The following OSBPL10 variants were observed in gnomAD, a reference collection of about 807,000 sequenced individuals.
The protein encoded by OSBPL10 is oxysterol-binding protein-related protein 10.
In OSBPL10, 49 loss-of-function variants were observed where a neutral mutation model predicts 81.7. The ratio of observed to expected loss-of-function variants is 0.60; its 90% CI spans 0.48 to 0.76. The LOEUF (loss-of-function observed/expected upper bound fraction) is 0.76. Among genes scored for constraint, OSBPL10 ranks in the 30% least tolerant of loss-of-function variants. OSBPL10 has a pLI of 0.00. For missense variants in OSBPL10, 923 were observed against 987.8 expected (o/e 0.93, Z 0.88); for synonymous variants, 419 against 383.6 (o/e 1.09, Z -1.08).
At position 31,727,405 on chromosome 3, in the gene OSBPL10, G is replaced by C. The variant is rs551787584; in HGVS notation, c.1095+5852C>G. Among the ~76,000 whole-genome samples the C allele has an allele frequency of 2.6e-3, 393 of 151,706 alleles. 2 individuals are homozygous for C. The highest frequency in any genetic ancestry group is 9.0e-3 in the African/African-American group (375 of 41,462). ...TCATGATTCAAAGGAAAAAAAAAAA[G>C]GTCTATTCTACAGATTCTTGGAAGG... is the stretch of plus-strand genomic sequence containing the variant. On this transcript the variant is annotated intron_variant, in intron 6 of 11. Transcript: ENST00000396556.
rs186046779 is a variant in OSBPL10 at position 31,989,367 on chromosome 3, C to T, written n.298+57124G>A. On this transcript the variant is annotated intron_variant and non_coding_transcript_variant, in intron 2 of 3. Coordinates refer to the OSBPL10 transcript ENST00000479173. ...CATTAGAAAGACATGAAAGTCATCA[C>T]ATTGGAGATTTTTGCTTCCAGAAAA... 6.1e-5 allele frequency: 99 copies of T among 1,614,180 alleles called. No individual in the cohort carries two copies. In the Admixed American group the frequency reaches 8.7e-4, roughly 14 times the overall value.
chr3:31,851,708 A>C (rs778615171), intron 3 of OSBPL10, among the ~76,000 whole-genome samples: 26 of 152,228 alleles, frequency 1.7e-4, no homozygotes, highest in Non-Finnish European at 2.5e-4. Context: ...ATGTGCCAGA[A>C]GTGTCATGCA....
intron 1 of OSBPL10, among the ~76,000 whole-genome samples, chr3:31,893,450 C>G (rs1388190383): frequency 6.6e-6 from 1 of 152,128 alleles, no homozygotes; most frequent in African/African-American, 2.4e-5. Flanking sequence ...AACCTTTCCA[C>G]ACTCTTGGTA....
At chr3:31,828,032 A>G (rs1418709557) in intron 4 of OSBPL10, among the ~76,000 whole-genome samples, 1 of 152,194 alleles carries the variant, frequency 6.6e-6, no homozygotes, top group Non-Finnish European at 1.5e-5. Context: ...CAGGCTTCCT[A>G]TCATTTATAA....
Position 31,743,038 on chromosome 3 carries a change from T to G in OSBPL10, c.940+4872A>C, listed in dbSNP as rs1038263505. ...GACCGAAAAGCTAAATTAGTTTTTT[T>G]TTTTTTTTTTTTTTTTTTTTTAGAG... On this transcript the variant is annotated intron_variant, in intron 5 of 11. Coordinates refer to ENST00000396556, the MANE Select transcript of OSBPL10 (RefSeq NM_017784.5). 2.0e-3 allele frequency among the ~76,000 whole-genome samples: 282 copies of G among 139,696 alleles called. 4 individuals are homozygous for G. Among genetic ancestry groups the G allele is most frequent in the African/African-American group, 7.2e-3 (265 of 36,802 alleles). 91.6% of individuals were successfully genotyped at this position (139,696 alleles called of 152,430 possible).
At chr3:31,970,027 A>G (rs901369097) in intron 1 of OSBPL10, among the ~76,000 whole-genome samples, 1 of 152,098 alleles carries the variant, frequency 6.6e-6, no homozygotes, top group Admixed American at 6.5e-5. Flanking sequence ...CATCTATAAA[A>G]TGAAGGGGTA....
chr3:31,928,255 A>C (rs1242848135), intron 1 of OSBPL10, among the ~76,000 whole-genome samples: 1 of 152,228 alleles, frequency 6.6e-6, no homozygotes, highest in Non-Finnish European at 1.5e-5. Flanking sequence ...AAATGGCAAC[A>C]CATAACCAAA....
rs560991973 is a variant in OSBPL10 at position 31,847,414 on chromosome 3, C to T, written c.538-17183G>A. 2.0e-4 allele frequency among the ~76,000 whole-genome samples: 31 copies of T among 152,234 alleles called. No individual in the cohort carries two copies. In the South Asian group the frequency reaches 6.2e-3, roughly 31 times the overall value. Reference sequence around the variant, plus strand: ...ATGTTGGTCAGGCTGGTCTCAAACTCCTGACCTCAGGTGATCCACCCACCT... The same window carrying T: ...ATGTTGGTCAGGCTGGTCTCAAACTTCTGACCTCAGGTGATCCACCCACCT... On this transcript the variant is annotated intron_variant, in intron 3 of 11. Transcript: ENST00000396556.
intron 11 of OSBPL10, chr3:31,662,421 C>A: frequency 8.9e-7 from 1 of 1,120,642 alleles, no homozygotes; most frequent in South Asian, 2.9e-5. Context: ...GACAGTGGGA[C>A]AAGAGAAAAG....
intron 2 of OSBPL10, among the ~76,000 whole-genome samples, chr3:31,992,688 A>C (rs1699047068): frequency 6.6e-6 from 1 of 152,210 alleles, no homozygotes; most frequent in South Asian, 2.1e-4. Flanking sequence ...CTAGACATCT[A>C]TATGCAAAAA....
intron 4 of OSBPL10, among the ~76,000 whole-genome samples, chr3:31,774,359 T>C (rs1289329057): frequency 6.6e-6 from 1 of 152,040 alleles, no homozygotes; most frequent in African/African-American, 2.4e-5. Flanking sequence ...AGGAGTAAGA[T>C]GGGAGAATTG....
chr3:31,865,587 G>A (rs1701160811), intron 3 of OSBPL10, among the ~76,000 whole-genome samples: 1 of 152,166 alleles, frequency 6.6e-6, no homozygotes, highest in African/African-American at 2.4e-5. Context: ...CCTTTGGGAG[G>A]TGATTAGGTC....
At chr3:31,794,619 T>G in intron 4 of OSBPL10, 1 of 350,046 alleles carries the variant, frequency 2.9e-6, no homozygotes, top group South Asian at 3.3e-5. Context: ...ACCTGGCACT[T>G]TTATCTTCCC....
chr3:31,760,473 T>A (rs1054773860), intron 4 of OSBPL10, among the ~76,000 whole-genome samples: 22 of 152,322 alleles, frequency 1.4e-4, no homozygotes, highest in African/African-American at 4.3e-4. Context: ...CTTTAGATCA[T>A]CTCTAAATTG....
chr3:31,929,343 A>G (rs1697169015), intron 1 of OSBPL10, among the ~76,000 whole-genome samples: 1 of 152,232 alleles, frequency 6.6e-6, no homozygotes, highest in Non-Finnish European at 1.5e-5. Flanking sequence ...GACAAGAAAA[A>G]AATTTACTAA....
At chr3:31,733,586 C>A (rs1697042644) in intron 5 of OSBPL10, among the ~76,000 whole-genome samples, 175 bp from the exon 6 acceptor site, 1 of 150,570 alleles carries the variant, frequency 6.6e-6, no homozygotes, top group Non-Finnish European at 1.5e-5. Context: ...TGTTGATGAA[C>A]TAGTTTCTGT....
At chr3:31,708,148 G>C (rs1288049363) in intron 6 of OSBPL10, among the ~76,000 whole-genome samples, 1 of 152,078 alleles carries the variant, frequency 6.6e-6, no homozygotes, top group African/African-American at 2.4e-5. Flanking sequence ...TGTTGCCAAA[G>C]TTGGTCTCAA....
At chr3:31,928,357 A>C (rs1697137655) in intron 1 of OSBPL10, among the ~76,000 whole-genome samples, 1 of 152,208 alleles carries the variant, frequency 6.6e-6, no homozygotes, top group Non-Finnish European at 1.5e-5. Flanking sequence ...CATCAAGGTG[A>C]CTTTTAAAAG....
At chr3:31,966,172 T>C (rs1422511645) in intron 1 of OSBPL10, among the ~76,000 whole-genome samples, 2 of 147,358 alleles carry the variant, frequency 1.4e-5, no homozygotes, top group African/African-American at 5.0e-5. Context: ...TGTGTGTGTG[T>C]GTGTGTGTGT....
Sources: allele counts gnomAD v4.1 joint callset (sites outside exome capture counted in the v4.1 genomes callset), GRCh38; gene constraint gnomAD v4.1.1; transcripts MANE v1.5; gene names NCBI Gene and HGNC (gene_info 2026-07-23, HGNC 2026-07-21).